Variants in ROR2 observed in about 807,000 individuals in gnomAD.
ROR2 encodes the protein ROR family WNT receptor 2, also known as tyrosine-protein kinase transmembrane receptor ROR2.
In ROR2, 33 loss-of-function variants were observed where a neutral mutation model predicts 74.9. The observed-to-expected ratio is 0.44, with a 90% confidence interval of 0.33 to 0.59. The LOEUF is 0.59. Ranked by LOEUF, ROR2 falls within the 20% of genes least tolerant of loss-of-function variation. The pLI, the probability that ROR2 is intolerant of heterozygous loss-of-function variation, is 0.02. For missense variants in ROR2, 1,216 were observed against 1,313.8 expected, an observed-to-expected ratio of 0.93 and a Z score of 1.15; for synonymous variants, 586 against 558.7, an observed-to-expected ratio of 1.05 and a Z score of -0.69.
At chr9:91,871,829 GGGTCGAGAGACCCCCCC>G (rs1185806291) in intron 1 of ROR2, among the ~76,000 whole-genome samples, 1 of 152,092 alleles carries the variant, frequency 6.6e-6, no homozygotes, top group Non-Finnish European at 1.5e-5. Context: ...ATGGGTTCTT[GGGTCGAGAGACCCCCCC>G]AGCACCCAAC....
intron 8 of ROR2, 94 bp from the exon 9 acceptor site, chr9:91,725,201 G>A: frequency 1.3e-6 from 2 of 1,595,064 alleles, no homozygotes; most frequent in Non-Finnish European, 1.7e-6. Flanking sequence ...TCCCTGTGCG[G>A]CCACGACTAG....
intron 1 of ROR2, among the ~76,000 whole-genome samples, chr9:91,878,502 T>C (rs1266323122): frequency 6.6e-6 from 1 of 152,214 alleles, no homozygotes; most frequent in East Asian, 1.9e-4. Flanking sequence ...TGGACTCTTA[T>C]TATAAAATGT....
At chr9:91,920,792 C>T (rs980288343) in intron 1 of ROR2, among the ~76,000 whole-genome samples, 1 of 152,158 alleles carries the variant, frequency 6.6e-6, no homozygotes, top group Non-Finnish European at 1.5e-5. Context: ...GCAGAAGAGG[C>T]GGAGACCCCA....
chr9:91,881,001 T>C (rs546458832), intron 1 of ROR2, among the ~76,000 whole-genome samples: 1 of 152,352 alleles, frequency 6.6e-6, no homozygotes, highest in African/African-American at 2.4e-5. Context: ...AAGAATGTTC[T>C]TGTTTGTAGA....
intron 6 of ROR2, 120 bp from the exon 7 acceptor site, chr9:91,731,275 G>T: frequency 7.0e-7 from 1 of 1,421,114 alleles, no homozygotes; most frequent in African/African-American, 1.4e-5. Context: ...CCAGAAAAGA[G>T]GCATTAAAAG....
At chr9:91,806,976 A>C (rs1235221105) in intron 1 of ROR2, among the ~76,000 whole-genome samples, 1 of 152,154 alleles carries the variant, frequency 6.6e-6, no homozygotes, top group Non-Finnish European at 1.5e-5. Flanking sequence ...CAGACTTGGG[A>C]AACAGAATCT....
intron 3 of ROR2, among the ~76,000 whole-genome samples, chr9:91,756,772 C>CA (rs1238913013): frequency 1.9e-5 from 2 of 108,096 alleles, no homozygotes; most frequent in African/African-American, 7.1e-5. Flanking sequence ...TTTTTTGAGA[C>CA]AGAGTTTCAC....
intron 1 of ROR2, among the ~76,000 whole-genome samples, chr9:91,829,549 C>CAAA (rs34687056): frequency 0.034 from 1,365 of 40,404 alleles, 126 homozygotes; most frequent in African/African-American, 0.05. Flanking sequence ...GACTCCGTCT[C>CAAA]AAAAAAAAAA....
intron 1 of ROR2, among the ~76,000 whole-genome samples, chr9:91,845,998 C>A (rs1828918781): frequency 6.6e-6 from 1 of 150,690 alleles, no homozygotes; most frequent in African/African-American, 2.4e-5. Context: ...GCAGAAGAAG[C>A]AATCCCATGG....
intron 1 of ROR2, among the ~76,000 whole-genome samples, chr9:91,940,839 T>C (rs1420065138): frequency 7.2e-5 from 11 of 151,944 alleles, no homozygotes; most frequent in Non-Finnish European, 1.0e-4. Flanking sequence ...TGACCTCAGG[T>C]GATTCACCTT....
intron 1 of ROR2, among the ~76,000 whole-genome samples, chr9:91,901,391 T>G (rs534300008): frequency 6.6e-6 from 1 of 151,288 alleles, no homozygotes; most frequent in Admixed American, 6.6e-5. Flanking sequence ...AAACCAACAG[T>G]GTCCTTCCTC....
intron 1 of ROR2, among the ~76,000 whole-genome samples, chr9:91,782,186 T>G (rs1446473114): frequency 6.6e-6 from 1 of 152,244 alleles, no homozygotes; most frequent in Non-Finnish European, 1.5e-5. Flanking sequence ...AGCTGAGGCT[T>G]GCTTTCTCTT....
chr9:91,933,188 C>T (rs997137377), intron 1 of ROR2, among the ~76,000 whole-genome samples: 3 of 152,166 alleles, frequency 2.0e-5, no homozygotes, highest in East Asian at 3.9e-4. Context: ...TGGTGGCACG[C>T]GCCTGTGGTC....
intron 1 of ROR2, among the ~76,000 whole-genome samples, chr9:91,854,459 G>A (rs558476851): frequency 6.6e-6 from 1 of 152,310 alleles, no homozygotes; most frequent in East Asian, 1.9e-4. Flanking sequence ...CTGACCTTCT[G>A]TTCAAAGACA....
At chr9:91,887,331 C>G (rs1412551485) in intron 1 of ROR2, 2 of 152,224 alleles carry the variant, frequency 1.3e-5, no homozygotes, top group Non-Finnish European at 2.9e-5. Flanking sequence ...ATGGCACCCA[C>G]AATCCTGAGT....
intron 7 of ROR2, among the ~76,000 whole-genome samples, chr9:91,729,342 C>T (rs1334379761): frequency 2.6e-5 from 4 of 152,218 alleles, no homozygotes; most frequent in Non-Finnish European, 5.9e-5. Flanking sequence ...TGCAGGACAG[C>T]TTTAAGGTCT....
intron 4 of ROR2, among the ~76,000 whole-genome samples, chr9:91,740,420 T>C (rs1333445917): frequency 1.3e-5 from 2 of 151,384 alleles, no homozygotes; most frequent in Non-Finnish European, 2.9e-5. Context: ...GGCGTAGTGG[T>C]GGGTACCTGT....
chr9:91,734,750 T>C (rs1824964955), intron 5 of ROR2, among the ~76,000 whole-genome samples: 2 of 152,164 alleles, frequency 1.3e-5, no homozygotes, highest in Admixed American at 6.5e-5. Flanking sequence ...GCCTATAAAG[T>C]GGCCCTCAGC....
At position 91,730,992 on chromosome 9, in the gene ROR2, G is replaced by A. The variant is rs765839790; in HGVS notation, c.1101C>T (p.Asn367=). The A allele has an allele frequency of 3.1e-6, 5 of 1,614,172 alleles. No individual in the cohort carries two copies. The Admixed American group carries it at 5.0e-5, about 16-fold the overall frequency. The part of the protein sequence containing the change: ...ELGGGHAYCR[N]PGGQMEGPWC... Reference sequence around the variant, plus strand: ...AGGGGCCCTCCATCTGGCCTCCGGGGTTCCGGCAGTAGGCGTGCCCCCCTC... The same window carrying A: ...AGGGGCCCTCCATCTGGCCTCCGGGATTCCGGCAGTAGGCGTGCCCCCCTC... The change falls in exon 7 of 9, where the codon AAC becomes AAT. Residue 367 remains asparagine, a synonymous_variant. Coordinates refer to ENST00000375708, the MANE Select transcript of ROR2 (RefSeq NM_004560.4).
Sources: allele counts gnomAD v4.1 joint callset (sites outside exome capture counted in the v4.1 genomes callset), GRCh38; gene constraint gnomAD v4.1.1; transcripts MANE v1.5; gene names NCBI Gene and HGNC (gene_info 2026-07-23, HGNC 2026-07-21).